POU2F2: variants seen among roughly 807,000 people sequenced by gnomAD.
POU2F2 encodes the protein POU domain, class 2, transcription factor 2.
In POU2F2, 14 loss-of-function variants were observed where a neutral mutation model predicts 63.5. The ratio of observed to expected loss-of-function variants is 0.22; its 90% CI spans 0.15 to 0.34. The LOEUF (loss-of-function observed/expected upper bound fraction) is 0.34. Among genes scored for constraint, POU2F2 ranks in the 10% least tolerant of loss-of-function variants. POU2F2 has a pLI of 1.00. For missense variants in POU2F2, 607 were observed against 815.2 expected (o/e 0.74, Z 3.11); for synonymous variants, 306 against 348.6 (o/e 0.88, Z 1.36).
At chr19:42,183,694 G>T (rs2034986628) in intron 1 of POU2F2, among the ~76,000 whole-genome samples, 1 of 152,190 alleles carries the variant, frequency 6.6e-6, no homozygotes, top group Non-Finnish European at 1.5e-5. Context: ...GGTGGATGGG[G>T]CAGTGACGGA....
In POU2F2 at chr19:42,162,461, G is replaced by A. The variant is rs1599694585; in HGVS notation, c.-69-2069C>T. ...ACAGATGGGGACCCTGAGGAACAGA[G>A]AGGGGCAGCAGCTGGCCCACAGTTA... On this transcript the variant is annotated intron_variant, in intron 1 of 6. Coordinates refer to the POU2F2 transcript ENST00000524801. The surrounding 1 kb of genome is among the most constrained non-coding windows in gnomAD (Gnocchi z 4.1). Among the ~76,000 whole-genome samples the A allele has an allele frequency of 1.3e-5, 2 of 152,170 alleles. No individual in the cohort carries two copies. Among genetic ancestry groups the A allele is most frequent in the African/African-American group, 4.8e-5 (2 of 41,426 alleles).
chr19:42,145,891 G>A (rs575490213), intron 2 of POU2F2, among the ~76,000 whole-genome samples: 9 of 151,926 alleles, frequency 5.9e-5, no homozygotes, highest in South Asian at 4.2e-4. Context: ...CTGAGATTGC[G>A]CCACTGCACT....
At chr19:42,115,269 T>C (rs2031702114) in intron 5 of POU2F2, among the ~76,000 whole-genome samples, 1 of 152,096 alleles carries the variant, frequency 6.6e-6, no homozygotes, top group Non-Finnish European at 1.5e-5. Flanking sequence ...ATCAGCTCAG[T>C]GTTAAGGAAA....
intron 7 of POU2F2, chr19:42,099,289 C>T (rs1371977433): frequency 1.4e-5 from 7 of 510,744 alleles, no homozygotes; most frequent in Middle Eastern, 5.4e-4. Flanking sequence ...CTCAAAGGAG[C>T]TCATGTACTA....
chr19:42,165,591 G>A (rs2034634289), intron 1 of POU2F2, among the ~76,000 whole-genome samples: 2 of 152,196 alleles, frequency 1.3e-5, no homozygotes, highest in Admixed American at 1.3e-4. Flanking sequence ...GGGCAGAAGA[G>A]CACAGTGGGT....
At chr19:42,185,975 G>A (rs537343367) in intron 1 of POU2F2, among the ~76,000 whole-genome samples, 42 of 152,218 alleles carry the variant, frequency 2.8e-4, no homozygotes, top group African/African-American at 8.9e-4. Context: ...CTGCACACTC[G>A]AACTCCTGGG....
rs1555731421 is a variant in POU2F2, at chr19:42,150,745, G to GT, written c.-9+9586dup. 1.3e-4 allele frequency among the ~76,000 whole-genome samples: 19 copies of GT among 149,326 alleles called. 1 individual carries two copies. The highest frequency in any genetic ancestry group is 3.3e-4 in the Admixed American group (5 of 14,990). On this transcript the variant is annotated intron_variant, in intron 2 of 6. Transcript: ENST00000524801. ...TTTTCCCCCAGCTTCTCCTGCTCCTGTTTTTTTATTCTTTTAATTTTTTTT... is the reference window on the plus strand; with the variant it reads ...TTTTCCCCCAGCTTCTCCTGCTCCTGTTTTTTTTATTCTTTTAATTTTTTTT...
At position 42,131,723 on chromosome 19, in the gene POU2F2, C is replaced by T. The variant is rs80300747; in HGVS notation, c.28+661G>A. Among the ~76,000 whole-genome samples, 460 of 152,132 alleles carry T rather than the reference C, an allele frequency of 3.0e-3. 6 individuals carry two copies. The highest frequency in any genetic ancestry group is 0.01 in the African/African-American group (422 of 41,456). On this transcript the variant is annotated intron_variant, in intron 1 of 14. Coordinates refer to ENST00000692977, the MANE Select transcript of POU2F2 (RefSeq NM_001394376.1). ...TGAAATTCCCAGCAGTGATACGTGC[C>T]GTGAAGAAAAGATAAAGCAGGGTGA... is the stretch of plus-strand genomic sequence containing the variant.
At chr19:42,170,633 A>T (rs1237538844) in intron 1 of POU2F2, among the ~76,000 whole-genome samples, 1 of 152,226 alleles carries the variant, frequency 6.6e-6, no homozygotes, top group Non-Finnish European at 1.5e-5. Flanking sequence ...GCACACCAGG[A>T]GTCCCAAAGA....
At position 42,162,745 on chromosome 19, in the gene POU2F2, G is replaced by A. The variant is rs953410244; in HGVS notation, c.-69-2353C>T. On this transcript the variant is annotated intron_variant, in intron 1 of 6. Transcript: ENST00000524801. The surrounding 1 kb of genome is among the most constrained non-coding windows in gnomAD (Gnocchi z 4.1). The stretch of plus-strand genomic sequence containing the variant: ...AAGGCAGGGCCTGGCTCCTTTGGGG[G>A]TCCGAAGCATTGCCCAGCACAGGGA... Among the ~76,000 whole-genome samples the A allele has an allele frequency of 6.6e-6, 1 of 152,156 alleles. No homozygotes were observed. The highest frequency in any genetic ancestry group is 1.5e-5 in the Non-Finnish European group (1 of 68,028).
intron 1 of POU2F2, among the ~76,000 whole-genome samples, chr19:42,175,302 G>T (rs1385749210): frequency 6.6e-6 from 1 of 152,224 alleles, no homozygotes; most frequent in Admixed American, 6.5e-5. Context: ...CAGAACAGGG[G>T]TTAGGCTCTG....
chr19:42,131,718 C>A (rs868167882), intron 1 of POU2F2, among the ~76,000 whole-genome samples: 2 of 152,126 alleles, frequency 1.3e-5, no homozygotes, highest in Non-Finnish European at 2.9e-5. Flanking sequence ...AGCAGTGATA[C>A]GTGCCGTGAA....
chr19:42,112,112 C>A (rs1383817342), intron 5 of POU2F2, among the ~76,000 whole-genome samples: 1 of 152,240 alleles, frequency 6.6e-6, no homozygotes, highest in Non-Finnish European at 1.5e-5. Context: ...AACCCAGGAA[C>A]CAGTGGGAGC....
chr19:42,109,630 G>A (rs572244112), intron 5 of POU2F2, among the ~76,000 whole-genome samples: 1 of 152,258 alleles, frequency 6.6e-6, no homozygotes, highest in South Asian at 2.1e-4. Context: ...ATCAAAGACA[G>A]AGTTTTAGTT....
Position 42,093,882 on chromosome 19 carries a change from C to T in POU2F2, c.1211G>A (p.Gly404Glu). Residue 404 changes from glycine to glutamate, a missense_variant, in exon 12 of 15, where the codon GGG (glycine) becomes GAG (glutamate). Coordinates refer to ENST00000692977, the MANE Select transcript of POU2F2 (RefSeq NM_001394376.1). ...GGACAACGGTAAGGTCCCCGCGCCCCCTTGGGGTGTGACCTGAGGAGAGAA... is the reference window on the plus strand; with the variant it reads ...GGACAACGGTAAGGTCCCCGCGCCCTCTTGGGGTGTGACCTGAGGAGAGAA... Reference protein sequence around the residue: ...SYSPHMVTPQGGAGTLPLSQA... With the variant: ...SYSPHMVTPQEGAGTLPLSQA... 1 of 1,611,622 alleles carries T rather than the reference C, an allele frequency of 6.2e-7. No homozygotes were observed. The highest frequency in any genetic ancestry group is 8.5e-7 in the Non-Finnish European group (1 of 1,178,156).
intron 5 of POU2F2, among the ~76,000 whole-genome samples, chr19:42,102,355 C>T (rs1222146548): frequency 6.6e-6 from 1 of 152,192 alleles, no homozygotes; most frequent in Non-Finnish European, 1.5e-5. Flanking sequence ...CTTCTGGGAG[C>T]TGGCCACATT....
chr19:42,104,490 G>A (rs2077261368), intron 5 of POU2F2, among the ~76,000 whole-genome samples: 1 of 152,032 alleles, frequency 6.6e-6, no homozygotes, highest in Non-Finnish European at 1.5e-5. Context: ...TGGGTTGGAT[G>A]AATGAGGGCA....
At chr19:42,171,617 C>T (rs945558466) in intron 1 of POU2F2, among the ~76,000 whole-genome samples, 9 of 152,164 alleles carry the variant, frequency 5.9e-5, no homozygotes, top group African/African-American at 1.9e-4. Flanking sequence ...GTGCCTCTCT[C>T]AGACTCCGTT....
chr19:42,116,910 A>AGCGGCGGCACTGGACTGCTGC (rs1484694059), intron 5 of POU2F2: 3 of 516,170 alleles, frequency 5.8e-6, no homozygotes, highest in Non-Finnish European at 7.5e-6. Flanking sequence ...CGTTAGCGGC[A>AGCGGCGGCACTGGACTGCTGC]GCGGCGGCAC....
Sources: gnomAD v4.1 joint callset for allele counts (sites outside exome capture counted in the v4.1 genomes callset) on GRCh38, gnomAD v4.1.1 for gene constraint, Gnocchi (gnomAD v3.1) non-coding constraint, MANE v1.5 for transcripts, NCBI Gene and HGNC (gene_info 2026-07-23, HGNC 2026-07-21) for gene names.